LYSMD4: variants seen among roughly 807,000 people sequenced by gnomAD.
LYSMD4 encodes lysM and putative peptidoglycan-binding domain-containing protein 4.
In LYSMD4, 9 loss-of-function variants were observed where a neutral mutation model predicts 6.1. That is an observed-to-expected ratio of 1.47 (90% CI 0.88 to 2.56). The LOEUF is 2.56. Ranked by LOEUF, LYSMD4 falls within the 30% of genes most tolerant of loss-of-function variation. The pLI is 0.00. For missense variants in LYSMD4, 384 were observed against 373.5 expected, an observed-to-expected ratio of 1.03 and a Z score of -0.23; for synonymous variants, 143 against 148.5, an observed-to-expected ratio of 0.96 and a Z score of 0.27.
downstream of LYSMD4, among the ~76,000 whole-genome samples, chr15:99,723,877 G>A (rs192441612): frequency 2.7e-3 from 408 of 151,538 alleles, 29 homozygotes; most frequent in African/African-American, 9.3e-3. Context: ...AAGACTTTCC[G>A]TAGCTTCCCA....
downstream of LYSMD4, among the ~76,000 whole-genome samples, chr15:99,723,584 G>A (rs561846742): frequency 1.3e-5 from 2 of 152,258 alleles, no homozygotes; most frequent in African/African-American, 2.4e-5. Flanking sequence ...TGGCCTGAGC[G>A]TGCCCCTGGC....
At chr15:99,731,032 T>C (rs1004649240) in intron 2 of LYSMD4, 6 of 743,082 alleles carry the variant, frequency 8.1e-6, no homozygotes, top group East Asian at 5.3e-5. Context: ...AAGACACTTG[T>C]AGGAGAAAGA....
downstream of LYSMD4, among the ~76,000 whole-genome samples, chr15:99,726,062 A>G (rs2059277153): frequency 6.6e-6 from 1 of 150,604 alleles, no homozygotes. Context: ...CTGGGGCTGC[A>G]GCCCAGTCTT....
At chr15:99,727,275 T>A (rs993463324), downstream of LYSMD4, 1 of 152,498 alleles carries the variant, frequency 6.6e-6, no homozygotes, top group South Asian at 2.1e-4. Context: ...CTCAGGAGGC[T>A]GAGGCAGGAG....
chr15:99,721,253 C>T (rs541816940), upstream of LYSMD4, among the ~76,000 whole-genome samples: 1 of 152,238 alleles, frequency 6.6e-6, no homozygotes, highest in East Asian at 1.9e-4. Flanking sequence ...GATGATGCAA[C>T]AAGGAAATGG....
upstream of LYSMD4, among the ~76,000 whole-genome samples, chr15:99,718,526 G>A (rs2059211962): frequency 6.6e-6 from 1 of 152,226 alleles, no homozygotes; most frequent in Admixed American, 6.5e-5. Context: ...GAATTCTGCT[G>A]CGAGGAACAG....
chr15:99,731,867 G>T lies in LYSMD4; in HGVS notation c.133C>A (p.Arg45Ser), dbSNP rs753086516. 1 of 1,613,506 alleles carries T rather than the reference G, an allele frequency of 6.2e-7. No individual in the cohort carries two copies. The highest frequency in any genetic ancestry group is 2.2e-5 in the East Asian group (1 of 44,880). Reference protein sequence around the residue: ...SGDSSEEESHRVVLRPRGKER... With the variant: ...SGDSSEEESHSVVLRPRGKER... Reference sequence around the variant, plus strand: ...TTGCCCCGGGGCCGCAAAACCACACGGTGAGACTCTTCTTCAGAAGAGTCC... The same window carrying T: ...TTGCCCCGGGGCCGCAAAACCACACTGTGAGACTCTTCTTCAGAAGAGTCC... Residue 45 changes from arginine to serine, a missense_variant, in exon 2 of 3, where the codon CGT becomes AGT. Transcript: ENST00000684762.
At chr15:99,720,016 T>C (rs1475845728), upstream of LYSMD4, among the ~76,000 whole-genome samples, 10 of 152,200 alleles carry the variant, frequency 6.6e-5, no homozygotes, top group Admixed American at 3.3e-4. Context: ...TTCTATTAGA[T>C]TTTTTATTTT....
At chr15:99,720,394 G>C (rs961536515), upstream of LYSMD4, among the ~76,000 whole-genome samples, 3 of 152,190 alleles carry the variant, frequency 2.0e-5, no homozygotes, top group Admixed American at 1.3e-4. Context: ...GCTGAGGTGG[G>C]AGGATCACTT....
Position 99,728,116 on chromosome 15 carries a change from C to T in LYSMD4, c.*1007G>A, listed in dbSNP as rs2059311921. The T allele has an allele frequency of 6.6e-6, 1 of 152,302 alleles. No homozygotes were observed. The highest frequency in any genetic ancestry group is 2.1e-4 in the South Asian group (1 of 4,832). 9.4% of individuals were successfully genotyped at this position (152,302 alleles called of 1,614,324 possible). On this transcript the variant is annotated 3_prime_UTR_variant, in exon 3 of 3. Transcript: ENST00000684762. ...TCCTGGAACATTGTGAGTTACATTGCATATAGTGTTATTCTAAGGGCATCA... is the reference window on the plus strand; with the variant it reads ...TCCTGGAACATTGTGAGTTACATTGTATATAGTGTTATTCTAAGGGCATCA...
In LYSMD4 at chr15:99,731,902, C is replaced by T; in HGVS notation, c.98G>A (p.Gly33Glu). 2 of 1,613,572 alleles carry T rather than the reference C, an allele frequency of 1.2e-6. No individual in the cohort carries two copies. Among genetic ancestry groups the T allele is most frequent in the Non-Finnish European group, 1.7e-6 (2 of 1,180,026 alleles). Residue 33 changes from glycine to glutamate, a missense_variant, in exon 2 of 3, where the codon GGG becomes GAG. Coordinates refer to ENST00000684762, the MANE Select transcript of LYSMD4 (RefSeq NM_001284417.2). ...TTCTTCAGAAGAGTCCCCCGAGTCCCCACTGCCATTCTTAAACATGTATAC... is the reference window on the plus strand; with the variant it reads ...TTCTTCAGAAGAGTCCCCCGAGTCCTCACTGCCATTCTTAAACATGTATAC... Reference protein sequence around the residue: ...SHVYMFKNGSGDSGDSSEEES... With the variant: ...SHVYMFKNGSEDSGDSSEEES...
chr15:99,731,664 G>T (rs537123788), intron 2 of LYSMD4, 54 bp downstream of exon 2: 6 of 1,529,304 alleles, frequency 3.9e-6, no homozygotes, highest in African/African-American at 1.4e-5. Flanking sequence ...CCTGCAGTGA[G>T]TTCCCCGTGT....
At position 99,733,395 on chromosome 15, in the gene LYSMD4, G is replaced by C. The variant is rs1217619088; in HGVS notation, c.-59C>G. On this transcript the variant is annotated 5_prime_UTR_variant, in exon 1 of 3. Coordinates refer to ENST00000684762, the MANE Select transcript of LYSMD4 (RefSeq NM_001284417.2). Reference sequence around the variant, plus strand: ...CGGCGACCGGCGACTCGCGACCCGCGACCCGCGACCCGCAGCTGCCACCGC... The same window carrying C: ...CGGCGACCGGCGACTCGCGACCCGCCACCCGCGACCCGCAGCTGCCACCGC... 5.1e-6 allele frequency: 2 copies of C among 395,800 alleles called. No homozygotes were observed. Among genetic ancestry groups the C allele is most frequent in the Admixed American group, 4.4e-5 (1 of 22,618 alleles). 24.5% of individuals were successfully genotyped at this position (395,800 alleles called of 1,614,324 possible). A position where few individuals can be genotyped will look rare whatever the true frequency, so the allele number is the denominator to read the frequency against.
At chr15:99,731,234 G>C (rs2059401802) in intron 2 of LYSMD4, 2 of 1,609,220 alleles carry the variant, frequency 1.2e-6, no homozygotes, top group Admixed American at 1.7e-5. Flanking sequence ...GGGTTATATA[G>C]ATACACAGCA....
upstream of LYSMD4, among the ~76,000 whole-genome samples, chr15:99,719,116 G>A (rs146613709): frequency 3.3e-3 from 506 of 152,272 alleles, 2 homozygotes; most frequent in Non-Finnish European, 6.0e-3. Context: ...GCCCATACCC[G>A]TGTAGGGAAC....
downstream of LYSMD4, among the ~76,000 whole-genome samples, chr15:99,727,173 G>A (rs190930639): frequency 5.8e-4 from 89 of 152,288 alleles, no homozygotes; most frequent in South Asian, 1.0e-3. Context: ...TCAGGAGTTC[G>A]AAATCAGCCT....
chr15:99,730,813 T>C (rs2059388619), intron 2 of LYSMD4, among the ~76,000 whole-genome samples: 1 of 152,248 alleles, frequency 6.6e-6, no homozygotes, highest in Non-Finnish European at 1.5e-5. Flanking sequence ...CTACTCCATC[T>C]ATTCCGGTCT....
exon 1 of LYSMD4, chr15:99,716,451 G>A (rs1567541209): frequency 4.4e-6 from 2 of 455,784 alleles, no homozygotes; most frequent in Admixed American, 2.4e-5. Flanking sequence ...TTTGTCTCCC[G>A]CACTCACTCC....
At chr15:99,726,205 C>T (rs2059280856), downstream of LYSMD4, among the ~76,000 whole-genome samples, 1 of 135,542 alleles carries the variant, frequency 7.4e-6, no homozygotes, top group Admixed American at 8.0e-5. Flanking sequence ...AGATCTCGGC[C>T]CGATCTCGGC....
Sources: allele counts gnomAD v4.1 joint callset (sites outside exome capture counted in the v4.1 genomes callset), GRCh38; gene constraint gnomAD v4.1.1; transcripts MANE v1.5; gene names NCBI Gene and HGNC (gene_info 2026-07-23, HGNC 2026-07-21).